CACNA2D3: variants seen among roughly 807,000 people sequenced by gnomAD.
The protein encoded by CACNA2D3 is voltage-dependent calcium channel subunit alpha-2/delta-3.
In CACNA2D3, 60 loss-of-function variants were observed where a neutral mutation model predicts 160.6. The observed-to-expected ratio is 0.37, with a 90% CI of 0.30 to 0.46. The LOEUF is 0.46. Among genes scored for constraint, CACNA2D3 ranks in the 20% least tolerant of loss-of-function variants. CACNA2D3 has a pLI of 1.00. For synonymous variants in CACNA2D3, 558 were observed against 492.9 expected, an observed-to-expected ratio of 1.13 and a Z score of -1.75; for missense variants, 1,205 against 1,365.0, an observed-to-expected ratio of 0.88 and a Z score of 1.85.
chr3:54,885,708 G>A (rs1575530824), intron 23 of CACNA2D3, 122 bp downstream of exon 23: 1 of 688,414 alleles, frequency 1.5e-6, no homozygotes, highest in Admixed American at 2.3e-5. Flanking sequence ...TCAGTCACAT[G>A]AAATCTAATC....
intron 11 of CACNA2D3, among the ~76,000 whole-genome samples, chr3:54,729,097 A>G (rs568512766): frequency 2.5e-4 from 38 of 151,968 alleles, no homozygotes; most frequent in South Asian, 1.0e-3. Context: ...CTAATTCTAG[A>G]TTGCTGTTTC....
At position 54,987,699 on chromosome 3, in the gene CACNA2D3, G is replaced by C; in HGVS notation, c.2636G>C (p.Gly879Ala). The stretch of plus-strand genomic sequence containing the variant: ...TCCCCATAGACTGGAGACTTTTTTG[G>C]TGAGATCGAGGGAGCTGTGATGAAC... ...EDYTQTGDFF[G>A]EIEGAVMNKL... Residue 879 changes from glycine (G) to alanine (A), a missense_variant, in exon 31 of 38, where the codon GGT (glycine) becomes GCT (alanine). Physicochemically the swap from Gly to Ala is moderately conservative, Grantham distance 60. This residue lies in a region of CACNA2D3 where 911 missense variants were observed against 1,002.2 expected (regional missense o/e 0.91). Coordinates refer to ENST00000474759, the MANE Select transcript of CACNA2D3 (RefSeq NM_018398.3). 6.2e-7 allele frequency: 1 copy of C among 1,607,500 alleles called. No individual in the cohort carries two copies. Among genetic ancestry groups the C allele is most frequent in the South Asian group, 1.1e-5 (1 of 89,748 alleles).
intron 2 of CACNA2D3, among the ~76,000 whole-genome samples, chr3:54,160,473 C>G (rs1421912030): frequency 6.6e-6 from 1 of 152,102 alleles, no homozygotes; most frequent in Non-Finnish European, 1.5e-5. Flanking sequence ...GTACTCCAGC[C>G]TGGGCAACAG....
chr3:54,600,867 T>C (rs978651761), intron 9 of CACNA2D3, among the ~76,000 whole-genome samples: 2 of 152,072 alleles, frequency 1.3e-5, no homozygotes, highest in Non-Finnish European at 1.5e-5. Flanking sequence ...ATCCCTGTCA[T>C]GACACTCCCT....
At chr3:54,684,542 G>T (rs1353770272) in intron 11 of CACNA2D3, among the ~76,000 whole-genome samples, 1 of 152,136 alleles carries the variant, frequency 6.6e-6, no homozygotes, top group African/African-American at 2.4e-5. Context: ...CTCCTGAGTG[G>T]ACACTGCAGA....
At chr3:54,401,046 A>G (rs896167766) in intron 4 of CACNA2D3, among the ~76,000 whole-genome samples, 4 of 152,200 alleles carry the variant, frequency 2.6e-5, no homozygotes, top group Admixed American at 6.5e-5. Context: ...GATAAATATC[A>G]TTAAAAAGAA....
intron 13 of CACNA2D3, among the ~76,000 whole-genome samples, chr3:54,779,868 A>G (rs1206125431): frequency 2.0e-5 from 3 of 152,142 alleles, no homozygotes; most frequent in Non-Finnish European, 4.4e-5. Context: ...CTCTTTTAAA[A>G]TTCTTGTTTT....
chr3:54,190,064 T>C (rs968333846), intron 2 of CACNA2D3, among the ~76,000 whole-genome samples: 2 of 152,174 alleles, frequency 1.3e-5, no homozygotes, highest in Admixed American at 6.5e-5. Context: ...TCCTAGTTCA[T>C]TGATGGAGCT....
At chr3:54,909,458 C>T (rs888728373) in intron 27 of CACNA2D3, among the ~76,000 whole-genome samples, 4 of 151,890 alleles carry the variant, frequency 2.6e-5, no homozygotes, top group Non-Finnish European at 5.9e-5. Flanking sequence ...AAGTAAAGGG[C>T]CCACAGAGGA....
intron 13 of CACNA2D3, among the ~76,000 whole-genome samples, chr3:54,775,374 A>C (rs1243492453): frequency 1.3e-5 from 2 of 152,168 alleles, no homozygotes; most frequent in Non-Finnish European, 2.9e-5. Flanking sequence ...CTTTCATATA[A>C]AGCATATAGA....
At chr3:54,544,391 C>T (rs1575513967) in intron 5 of CACNA2D3, among the ~76,000 whole-genome samples, 1 of 147,994 alleles carries the variant, frequency 6.8e-6, no homozygotes. Flanking sequence ...AGTGACCAAA[C>T]TAGCCTTTTT....
Position 54,354,273 on chromosome 3 carries a change from G to A in CACNA2D3, c.322-32442G>A, listed in dbSNP as rs1025867316. Among the ~76,000 whole-genome samples the A allele has an allele frequency of 8.5e-5, 13 of 152,264 alleles. No homozygotes were observed. In the South Asian group the frequency reaches 2.3e-3, roughly 27 times the overall value. On this transcript the variant is annotated intron_variant, in intron 3 of 37. Transcript: ENST00000474759. The stretch of plus-strand genomic sequence containing the variant: ...CTCACACAGGGAATTAAGGAGACAC[G>A]ATCCAGTTTGCTATTGTTTTAAGGA...
intron 31 of CACNA2D3, among the ~76,000 whole-genome samples, chr3:55,003,223 C>T (rs955343008): frequency 9.2e-5 from 14 of 152,168 alleles, no homozygotes; most frequent in African/African-American, 3.1e-4. Context: ...TTTAAAATCT[C>T]ATCTGGCAGT....
chr3:54,253,827 G>A (rs944366387), intron 2 of CACNA2D3, among the ~76,000 whole-genome samples: 5 of 152,046 alleles, frequency 3.3e-5, no homozygotes, highest in Non-Finnish European at 2.9e-5. Flanking sequence ...GAGTGCAGTG[G>A]CACCATCTCG....
chr3:54,856,633 AAAAC>A, intron 17 of CACNA2D3, among the ~76,000 whole-genome samples: 1 of 152,348 alleles, frequency 6.6e-6, no homozygotes, highest in Non-Finnish European at 1.5e-5. Context: ...TTAAAGTTCT[AAAAC>A]AAACTGATAA....
Position 54,885,496 on chromosome 3 carries a change from T to G in CACNA2D3, c.1966T>G (p.Cys656Gly). ...GCCATGTCATGTTCTTAGGTCCTAC[T>G]GCAACACTGACCTACACCCTGAGCA... Reference protein sequence around the residue: ...DVSLADEWSYCNTDLHPEHRH... With the variant: ...DVSLADEWSYGNTDLHPEHRH... Residue 656 changes from cysteine to glycine, a missense_variant, in exon 23 of 38, where the codon TGC becomes GGC. Physicochemically the swap from Cys to Gly is radical, Grantham distance 159. This residue lies in a region of CACNA2D3 where 911 missense variants were observed against 1,002.2 expected (regional missense o/e 0.91). Transcript: ENST00000474759. 1 of 1,613,480 alleles carries G rather than the reference T, an allele frequency of 6.2e-7. No individual in the cohort carries two copies. The highest frequency in any genetic ancestry group is 8.5e-7 in the Non-Finnish European group (1 of 1,179,614).
intron 6 of CACNA2D3, among the ~76,000 whole-genome samples, chr3:54,568,480 T>G (rs1387303978): frequency 6.6e-6 from 1 of 152,130 alleles, no homozygotes; most frequent in East Asian, 1.9e-4. Context: ...CTCAAACCAG[T>G]TATTTGTGGA....
chr3:54,167,891 A>C (rs1278726288), intron 2 of CACNA2D3, among the ~76,000 whole-genome samples: 1 of 152,172 alleles, frequency 6.6e-6, no homozygotes, highest in African/African-American at 2.4e-5. Flanking sequence ...TGTCTAATTC[A>C]AGGGTGAGCG....
At chr3:54,814,858 A>G (rs1402475175) in intron 13 of CACNA2D3, among the ~76,000 whole-genome samples, 2 of 152,186 alleles carry the variant, frequency 1.3e-5, no homozygotes, top group African/African-American at 4.8e-5. Flanking sequence ...AGAGGCCTGC[A>G]AAGTCCAGCA....
Sources: allele counts gnomAD v4.1 joint callset (sites outside exome capture counted in the v4.1 genomes callset), GRCh38; gene constraint gnomAD v4.1.1; regional missense constraint gnomAD v4.1.1; transcripts MANE v1.5; gene names NCBI Gene and HGNC (gene_info 2026-07-23, HGNC 2026-07-21).